Variants in DEPDC5 observed in about 807,000 individuals in gnomAD.
DEPDC5 encodes the protein GATOR1 complex protein DEPDC5.
DEPDC5 carries 73 observed loss-of-function variants against 217.3 expected under a neutral mutation model. That is an observed-to-expected ratio of 0.34 (90% CI 0.28 to 0.41). The LOEUF is 0.41. Among genes scored for constraint, DEPDC5 ranks in the 10% least tolerant of loss-of-function variants. The pLI, the probability that DEPDC5 is intolerant of heterozygous loss-of-function variation, is 1.00. For missense variants in DEPDC5, 1,675 were observed against 2,070.1 expected (o/e 0.81, Z 3.70); for synonymous variants, 733 against 756.7 (o/e 0.97, Z 0.51).
chr22:31,804,896 C>A lies in DEPDC5; in HGVS notation c.1198C>A (p.Pro400Thr). ...TCGTCTGGGCGATGACTATAATATC[C>A]CTCACTGGATAAACCACAGGTGGGT... ...DSRLGDDYNI[P>T]HWINHSFYTS... is the part of the protein sequence containing the mutation. The change falls in exon 17 of 43, where the codon CCT becomes ACT. Residue 400 changes from proline (P) to threonine (T), a missense_variant. By Grantham distance (38) the Pro-to-Thr change is conservative (BLOSUM62 -1). Around this residue, in one of 11 missense-constraint regions of DEPDC5, gnomAD observed 628 missense variants for 762.1 expected, o/e 0.82. Coordinates refer to ENST00000651528, the MANE Select transcript of DEPDC5 (RefSeq NM_001242896.3). 1.9e-6 allele frequency: 3 copies of A among 1,613,852 alleles called. No homozygotes were observed. Among genetic ancestry groups the A allele is most frequent in the Non-Finnish European group, 2.5e-6 (3 of 1,179,798 alleles).
At chr22:31,768,746 A>G (rs1339359688) in intron 6 of DEPDC5, 68 bp from the exon 7 acceptor site, 11 of 1,325,342 alleles carry the variant, frequency 8.3e-6, no homozygotes, top group East Asian at 4.8e-5. Context: ...ATGTTAATCA[A>G]TCTCTCTCTC....
intron 29 of DEPDC5, chr22:31,844,742 G>T (rs2149019439): frequency 4.9e-6 from 1 of 203,762 alleles, no homozygotes; most frequent in Non-Finnish European, 9.1e-6. Context: ...ACAAGGTGGA[G>T]ATGGGGTCTC....
chr22:31,867,117 A>C, intron 33 of DEPDC5, among the ~76,000 whole-genome samples: 1 of 152,170 alleles, frequency 6.6e-6, no homozygotes, highest in East Asian at 1.9e-4. Context: ...ATCTCCCTTT[A>C]CTTGGCTCTT....
intron 10 of DEPDC5, among the ~76,000 whole-genome samples, chr22:31,785,942 G>A (rs2148428547): frequency 6.6e-6 from 1 of 152,196 alleles, no homozygotes; most frequent in South Asian, 2.1e-4. Flanking sequence ...TATATGAAAT[G>A]TAACCAAAGT....
chr22:31,864,524 A>ATATATATATATATT (rs1249903986), intron 33 of DEPDC5, among the ~76,000 whole-genome samples: 2 of 132,716 alleles, frequency 1.5e-5, no homozygotes, highest in Non-Finnish European at 3.2e-5. Context: ...ATATATATAT[A>ATATATATATATATT]TTTATATATT....
At chr22:31,887,402 A>G (rs1360172033) in intron 38 of DEPDC5, among the ~76,000 whole-genome samples, 1 of 145,900 alleles carries the variant, frequency 6.9e-6, no homozygotes, top group Non-Finnish European at 1.5e-5. Context: ...CTGGGCAACA[A>G]AAGCGAAACT....
chr22:31,815,413 CAG>C lies in DEPDC5; in HGVS notation c.1666+204_1666+205del, dbSNP rs1602102381. Reference sequence around the variant, plus strand: ...TTTTTTTTTTTTTTTTTTTTGGTGACAGAGCACCTAGGATAAAGTGCAGTGAT... The same window carrying C: ...TTTTTTTTTTTTTTTTTTTTGGTGACAGCACCTAGGATAAAGTGCAGTGAT... On this transcript the variant is annotated intron_variant, in intron 21 of 42. Coordinates refer to ENST00000651528, the MANE Select transcript of DEPDC5 (RefSeq NM_001242896.3). The C allele has an allele frequency of 6.2e-6, 4 of 648,018 alleles. No individual in the cohort carries two copies. In the East Asian group the frequency reaches 1.1e-4, roughly 18 times the overall value. 40.1% of individuals were successfully genotyped at this position (648,018 alleles called of 1,614,324 possible). A position where few individuals can be genotyped will look rare whatever the true frequency, so the allele number is the denominator to read the frequency against.
chr22:31,841,958 A>G (rs978114609), intron 27 of DEPDC5, among the ~76,000 whole-genome samples: 1 of 152,188 alleles, frequency 6.6e-6, no homozygotes, highest in Admixed American at 6.6e-5. Flanking sequence ...TCTTTGAGGC[A>G]TGATTTTTAC....
At chr22:31,877,764 A>C (rs1602657055) in intron 37 of DEPDC5, among the ~76,000 whole-genome samples, 1 of 150,108 alleles carries the variant, frequency 6.7e-6, no homozygotes, top group African/African-American at 2.4e-5. Flanking sequence ...AAAAAAAAAA[A>C]AAAAAAAAAA....
At chr22:31,825,725 T>G (rs1023550618) in intron 24 of DEPDC5, among the ~76,000 whole-genome samples, 3 of 152,206 alleles carry the variant, frequency 2.0e-5, no homozygotes, top group African/African-American at 7.2e-5. Flanking sequence ...TAGTCCATAC[T>G]GTCACTGATG....
At chr22:31,797,577 T>C (rs764726222) in intron 12 of DEPDC5, 23 bp from the exon 13 acceptor site, 3 of 1,594,452 alleles carry the variant, frequency 1.9e-6, no homozygotes, top group East Asian at 4.5e-5. Flanking sequence ...TCAATATCCA[T>C]TTTATGATAA....
chr22:31,823,645 G>A (rs1414202796), intron 24 of DEPDC5, among the ~76,000 whole-genome samples: 1 of 152,086 alleles, frequency 6.6e-6, no homozygotes, highest in Non-Finnish European at 1.5e-5. Context: ...GGGGGAAGCA[G>A]TATGAATTTG....
intron 34 of DEPDC5, among the ~76,000 whole-genome samples, chr22:31,872,273 C>T (rs1253519800): frequency 6.6e-6 from 1 of 152,234 alleles, no homozygotes; most frequent in African/African-American, 2.4e-5. Context: ...TTCAGATCCA[C>T]ATCCTGGTAC....
At chr22:31,799,863 A>G (rs1285941860) in intron 14 of DEPDC5, among the ~76,000 whole-genome samples, 1 of 121,214 alleles carries the variant, frequency 8.2e-6, no homozygotes, top group African/African-American at 3.4e-5. Context: ...GCTAGAGTGC[A>G]ATGGCATGAT....
intron 7 of DEPDC5, among the ~76,000 whole-genome samples, chr22:31,777,540 G>A (rs1450634297): frequency 6.6e-6 from 1 of 151,628 alleles, no homozygotes; most frequent in Non-Finnish European, 1.5e-5. Context: ...GATTACAGGC[G>A]TGAGCCACCA....
At chr22:31,801,457 C>T (rs1357736138) in intron 14 of DEPDC5, among the ~76,000 whole-genome samples, 2 of 152,108 alleles carry the variant, frequency 1.3e-5, no homozygotes, top group Admixed American at 6.6e-5. Context: ...GTATGATTAT[C>T]CCGGCATTTA....
intron 40 of DEPDC5, among the ~76,000 whole-genome samples, chr22:31,901,177 A>T (rs2093641979): frequency 6.7e-6 from 1 of 150,054 alleles, no homozygotes; most frequent in Non-Finnish European, 1.5e-5. Context: ...CGGCAGGCCG[A>T]GGTTGCAGTG....
intron 13 of DEPDC5, among the ~76,000 whole-genome samples, 198 bp from the exon 14 acceptor site, chr22:31,798,384 G>A (rs2086494749): frequency 6.6e-6 from 1 of 152,120 alleles, no homozygotes; most frequent in Non-Finnish European, 1.5e-5. Context: ...CTTGTGTGGT[G>A]GCGTGCGCCT....
At chr22:31,852,619 G>A (rs2092091023) in intron 31 of DEPDC5, among the ~76,000 whole-genome samples, 1 of 152,200 alleles carries the variant, frequency 6.6e-6, no homozygotes, top group East Asian at 1.9e-4. Flanking sequence ...GATTATAGGC[G>A]TGAGCCACCG....
Sources: allele counts gnomAD v4.1 joint callset (sites outside exome capture counted in the v4.1 genomes callset), GRCh38; gene constraint gnomAD v4.1.1; regional missense constraint gnomAD v4.1.1; transcripts MANE v1.5; gene names NCBI Gene and HGNC (gene_info 2026-07-23, HGNC 2026-07-21).